Variants in TRAPPC9 observed in about 807,000 individuals in gnomAD.
TRAPPC9 encodes the protein trafficking protein particle complex subunit 9, also known as IKK2 binding protein.
A neutral mutation model predicts 124.0 loss-of-function variants in TRAPPC9; 83 were observed. The observed-to-expected ratio is 0.67, with a 90% CI of 0.56 to 0.80. The LOEUF (loss-of-function observed/expected upper bound fraction) is 0.80, where lower values mean the gene tolerates loss of function less well. Among genes scored for constraint, TRAPPC9 ranks in the 30% least tolerant of loss-of-function variants. TRAPPC9 has a pLI of 0.00. For synonymous variants in TRAPPC9, 638 were observed against 617.5 expected (o/e 1.03, Z -0.49); for missense variants, 1,302 against 1,508.3 (o/e 0.86, Z 2.27).
chr8:139,967,319 G>A (rs144855423), intron 19 of TRAPPC9, among the ~76,000 whole-genome samples: 14 of 149,630 alleles, frequency 9.4e-5, no homozygotes, highest in Non-Finnish European at 1.6e-4. Flanking sequence ...AAACCAGGCT[G>A]CAATAGACAC....
chr8:139,796,237 A>C (rs182155844), intron 21 of TRAPPC9, among the ~76,000 whole-genome samples: 1 of 152,280 alleles, frequency 6.6e-6, no homozygotes, highest in Non-Finnish European at 1.5e-5. Context: ...GTTCACAAAC[A>C]TATTCATATA....
intron 19 of TRAPPC9, among the ~76,000 whole-genome samples, chr8:139,951,728 C>A (rs1210795083): frequency 6.6e-6 from 1 of 152,210 alleles, no homozygotes; most frequent in Admixed American, 6.5e-5. Context: ...ACCTCTGAGT[C>A]TGCACCAAAG....
intron 19 of TRAPPC9, among the ~76,000 whole-genome samples, chr8:139,930,298 G>A (rs1203716798): frequency 6.6e-5 from 10 of 152,178 alleles, no homozygotes; most frequent in East Asian, 1.9e-4. Flanking sequence ...TGCGCCAGCC[G>A]GGAGTTGATG....
intron 19 of TRAPPC9, chr8:139,931,854 G>C (rs138088274): frequency 1.2e-5 from 2 of 166,504 alleles, no homozygotes; most frequent in Non-Finnish European, 2.6e-5. Flanking sequence ...CATTTCACCC[G>C]GAAAAGATGA....
chr8:139,748,931 A>G (rs1563782785), intron 21 of TRAPPC9, among the ~76,000 whole-genome samples: 2 of 152,148 alleles, frequency 1.3e-5, no homozygotes, highest in Non-Finnish European at 2.9e-5. Context: ...CAGTAGGTCC[A>G]GGCTTGAAAA....
intron 21 of TRAPPC9, among the ~76,000 whole-genome samples, chr8:139,816,792 T>C (rs1383974760): frequency 6.6e-6 from 1 of 152,042 alleles, no homozygotes; most frequent in Non-Finnish European, 1.5e-5. Context: ...CTGTCTTGGG[T>C]CCGCCAACTC....
intron 17 of TRAPPC9, among the ~76,000 whole-genome samples, chr8:140,079,908 C>A (rs749855812): frequency 6.6e-6 from 1 of 151,598 alleles, no homozygotes; most frequent in African/African-American, 2.4e-5. Flanking sequence ...CCAGCCTGGG[C>A]GAGAGAGCAC....
intron 21 of TRAPPC9, among the ~76,000 whole-genome samples, chr8:139,734,984 G>A (rs1030679333): frequency 2.0e-5 from 3 of 152,256 alleles, no homozygotes; most frequent in African/African-American, 7.2e-5. Context: ...CCTGCACTGA[G>A]TCTGACCAGG....
At chr8:140,364,784 C>G (rs1421639441) in intron 8 of TRAPPC9, among the ~76,000 whole-genome samples, 1 of 151,958 alleles carries the variant, frequency 6.6e-6, no homozygotes, top group African/African-American at 2.4e-5. Flanking sequence ...GTTGGCCAGG[C>G]TGGTCTCGAA....
intron 17 of TRAPPC9, among the ~76,000 whole-genome samples, chr8:140,183,270 C>T (rs1208088367): frequency 6.6e-6 from 1 of 152,190 alleles, no homozygotes; most frequent in East Asian, 1.9e-4. Flanking sequence ...GGTGGAAGAC[C>T]TGTGTACAGA....
Position 140,245,651 on chromosome 8 carries a change from A to AC in TRAPPC9, c.2431+7125dup, listed in dbSNP as rs1213741191. Among the ~76,000 whole-genome samples, 3 of 152,184 alleles carry AC rather than the reference A, an allele frequency of 2.0e-5. No individual in the cohort carries two copies. In the East Asian group the frequency reaches 5.8e-4, roughly 29 times the overall value. On this transcript the variant is annotated intron_variant, in intron 16 of 22. Transcript: ENST00000438773. The stretch of plus-strand genomic sequence containing the variant: ...CCCTGATAATTTACTTGTTGAGAGA[A>AC]CCAATTCATGGACTGCAGGGTTTCC...
rs11778176 is a variant in TRAPPC9 at position 140,256,116 on chromosome 8, A to T, written c.2279-3187T>A. Among the ~76,000 whole-genome samples the T allele has an allele frequency of 1.9e-4, 29 of 152,176 alleles. 1 individual carries two copies. Among genetic ancestry groups the T allele is most frequent in the East Asian group, 1.2e-3 (6 of 5,180 alleles). ...GCTTTGGGGGCAAAGGGTACAAAAC[A>T]CTGGTCGCTTTGGTATTTCATGATG... On this transcript the variant is annotated intron_variant, in intron 15 of 22. Coordinates refer to ENST00000438773, the MANE Select transcript of TRAPPC9 (RefSeq NM_001160372.4).
intron 17 of TRAPPC9, among the ~76,000 whole-genome samples, chr8:140,028,832 T>G (rs1286901191): frequency 1.3e-5 from 2 of 152,132 alleles, no homozygotes. Context: ...ATATGCCAGG[T>G]GGGTAGGAGT....
chr8:140,044,101 C>T (rs538645357), intron 17 of TRAPPC9, among the ~76,000 whole-genome samples: 2 of 152,114 alleles, frequency 1.3e-5, no homozygotes, highest in African/African-American at 2.4e-5. Context: ...GCCCTGAAGA[C>T]GTGCCAAGGT....
At chr8:140,323,429 C>T (rs899021236) in intron 9 of TRAPPC9, among the ~76,000 whole-genome samples, 1 of 152,050 alleles carries the variant, frequency 6.6e-6, no homozygotes, top group Non-Finnish European at 1.5e-5. Flanking sequence ...GAGGTCATAA[C>T]CTGGGGCCCT....
intron 2 of TRAPPC9, among the ~76,000 whole-genome samples, chr8:140,446,285 C>T (rs1036854785): frequency 4.9e-5 from 5 of 102,200 alleles, no homozygotes; most frequent in Non-Finnish European, 1.0e-4. Flanking sequence ...AAGAGTAAGA[C>T]TCTGTCTCAA....
At chr8:140,065,544 A>G (rs955971991) in intron 17 of TRAPPC9, among the ~76,000 whole-genome samples, 2 of 152,182 alleles carry the variant, frequency 1.3e-5, no homozygotes, top group African/African-American at 2.4e-5. Flanking sequence ...GCAGCTGGTG[A>G]CTTGAATTTA....
At chr8:140,288,369 A>C (rs2065550816) in intron 12 of TRAPPC9, among the ~76,000 whole-genome samples, 1 of 152,184 alleles carries the variant, frequency 6.6e-6, no homozygotes, top group Non-Finnish European at 1.5e-5. Context: ...GAACTATACC[A>C]CCAGTTAATA....
At chr8:139,770,146 AC>A (rs1009817840) in intron 21 of TRAPPC9, among the ~76,000 whole-genome samples, 40 of 152,240 alleles carry the variant, frequency 2.6e-4, no homozygotes, top group Non-Finnish European at 4.9e-4. Flanking sequence ...TCTCTTCAGG[AC>A]CCTTCATTTC....
Sources: allele counts gnomAD v4.1 joint callset (sites outside exome capture counted in the v4.1 genomes callset), GRCh38; gene constraint gnomAD v4.1.1; transcripts MANE v1.5; gene names NCBI Gene and HGNC (gene_info 2026-07-23, HGNC 2026-07-21).